SCFD2: variants seen among roughly 807,000 people sequenced by gnomAD.
SCFD2 encodes sec1 family domain containing 2.
A neutral mutation model predicts 58.9 loss-of-function variants in SCFD2; 54 were observed. The ratio of observed to expected loss-of-function variants is 0.92; its 90% CI spans 0.74 to 1.15. The LOEUF is 1.15. Among genes scored for constraint, SCFD2 ranks in the 50% most tolerant of loss-of-function variants. The pLI, the probability that SCFD2 is intolerant of heterozygous loss-of-function variation, is 0.00. For synonymous variants in SCFD2, 321 were observed against 335.9 expected (o/e 0.96, Z 0.49); for missense variants, 805 against 836.6 (o/e 0.96, Z 0.47).
At chr4:53,321,864 CTT>C (rs1339346392) in intron 2 of SCFD2, among the ~76,000 whole-genome samples, 1 of 152,138 alleles carries the variant, frequency 6.6e-6, no homozygotes, top group Non-Finnish European at 1.5e-5. Context: ...TTTGTTCATT[CTT>C]TCTTTCAAAA....
chr4:53,051,647 C>T (rs542487894), intron 5 of SCFD2, among the ~76,000 whole-genome samples: 1 of 152,246 alleles, frequency 6.6e-6, no homozygotes, highest in East Asian at 1.9e-4. Flanking sequence ...TTGGTTAATA[C>T]GACTGCTTAT....
At chr4:53,214,388 C>T (rs1446717861) in intron 4 of SCFD2, among the ~76,000 whole-genome samples, 10 of 152,090 alleles carry the variant, frequency 6.6e-5, no homozygotes, top group Non-Finnish European at 1.5e-5. Context: ...TTTTGATTTG[C>T]ATTTCTCTGA....
chr4:53,260,485 T>C (rs143754193), intron 4 of SCFD2, among the ~76,000 whole-genome samples: 1 of 152,210 alleles, frequency 6.6e-6, no homozygotes, highest in African/African-American at 2.4e-5. Context: ...ACTGAGATGA[T>C]CATGTGATTT....
In SCFD2 at chr4:52,994,229, G is replaced by A. The variant is rs539300311; in HGVS notation, c.1562-73359C>T. On this transcript the variant is annotated intron_variant, in intron 5 of 8. Coordinates refer to ENST00000401642, the MANE Select transcript of SCFD2 (RefSeq NM_152540.4). ...TGGATGAACTCTGACCAAACCTAGA[G>A]GATTCCCTGTTTTTCTTAACACTGC... 4.6e-5 allele frequency among the ~76,000 whole-genome samples: 7 copies of A among 152,314 alleles called. No homozygotes were observed. The East Asian group carries it at 1.4e-3, about 29-fold the overall frequency.
chr4:52,967,199 T>C (rs1199527024), intron 5 of SCFD2, among the ~76,000 whole-genome samples: 2 of 152,220 alleles, frequency 1.3e-5, no homozygotes, highest in Admixed American at 1.3e-4. Flanking sequence ...CTCAAGGGCA[T>C]GTTGCTGCAC....
chr4:52,974,013 C>T (rs1458057503), intron 5 of SCFD2, among the ~76,000 whole-genome samples: 1 of 152,160 alleles, frequency 6.6e-6, no homozygotes, highest in East Asian at 1.9e-4. Context: ...ATTGATGGGA[C>T]ATATCTCAAA....
chr4:52,881,325 C>T (rs951807453), intron 8 of SCFD2, among the ~76,000 whole-genome samples: 1 of 152,226 alleles, frequency 6.6e-6, no homozygotes, highest in African/African-American at 2.4e-5. Context: ...GCTCCAAAGC[C>T]TTCTCCATGG....
At chr4:53,193,154 C>T (rs1191892846) in intron 4 of SCFD2, among the ~76,000 whole-genome samples, 2 of 151,906 alleles carry the variant, frequency 1.3e-5, no homozygotes, top group East Asian at 3.9e-4. Context: ...TATATATGAC[C>T]AAAACAAGTC....
At chr4:53,233,860 C>T (rs1729514567) in intron 4 of SCFD2, among the ~76,000 whole-genome samples, 1 of 151,550 alleles carries the variant, frequency 6.6e-6, no homozygotes, top group Non-Finnish European at 1.5e-5. Context: ...TCATGAGTGT[C>T]CAATTAAAAG....
intron 4 of SCFD2, among the ~76,000 whole-genome samples, chr4:53,194,414 T>C (rs1212065545): frequency 6.6e-6 from 1 of 152,212 alleles, no homozygotes; most frequent in Non-Finnish European, 1.5e-5. Flanking sequence ...TATAATTATA[T>C]AAGTTATTGC....
chr4:53,363,826 CA>C (rs754101699), intron 1 of SCFD2, among the ~76,000 whole-genome samples: 1,671 of 107,140 alleles, frequency 0.016, 22 homozygotes, highest in African/African-American at 0.048. Context: ...GACTCCGTCT[CA>C]AAAAAAAAAA....
intron 6 of SCFD2, among the ~76,000 whole-genome samples, chr4:52,916,644 C>G (rs1438994995): frequency 6.6e-6 from 1 of 152,176 alleles, no homozygotes; most frequent in Non-Finnish European, 1.5e-5. Context: ...GGTTTCCAGT[C>G]AACAGAAGCG....
chr4:53,195,368 C>G (rs1577828257), intron 4 of SCFD2, among the ~76,000 whole-genome samples: 2 of 152,172 alleles, frequency 1.3e-5, no homozygotes, highest in East Asian at 3.8e-4. Flanking sequence ...TTCTGCACAT[C>G]TGGTGAAGTC....
intron 6 of SCFD2, among the ~76,000 whole-genome samples, chr4:52,911,382 C>T (rs1477424468): frequency 6.6e-6 from 1 of 152,208 alleles, no homozygotes; most frequent in Admixed American, 6.5e-5. Flanking sequence ...GGAGAAAATG[C>T]TCACTGAGCT....
At chr4:53,248,116 A>G (rs752449025) in intron 4 of SCFD2, among the ~76,000 whole-genome samples, 4 of 152,212 alleles carry the variant, frequency 2.6e-5, no homozygotes, top group Non-Finnish European at 5.9e-5. Context: ...ACTGGGAAGC[A>G]CAAGGGATCA....
chr4:53,059,255 T>C (rs1252477413), intron 5 of SCFD2, among the ~76,000 whole-genome samples: 1 of 152,086 alleles, frequency 6.6e-6, no homozygotes, highest in Non-Finnish European at 1.5e-5. Context: ...CTCCCACAAC[T>C]GTGAAAGAGA....
chr4:53,313,531 T>A, intron 3 of SCFD2, 105 bp downstream of exon 3: 1 of 1,330,612 alleles, frequency 7.5e-7, no homozygotes, highest in Non-Finnish European at 1.1e-6. Context: ...ACAAAAGTCG[T>A]TACTACTTTG....
In SCFD2 at chr4:53,270,384, C is replaced by T. The variant is rs142439626; in HGVS notation, c.1311+3442G>A. The stretch of plus-strand genomic sequence containing the variant: ...TTCCTTAGTCTGATTAAAAACAAAA[C>T]AAAACCTCAGCAAACATAATACTTA... On this transcript the variant is annotated intron_variant, in intron 4 of 8. Coordinates refer to ENST00000401642, the MANE Select transcript of SCFD2 (RefSeq NM_152540.4). 2.6e-5 allele frequency among the ~76,000 whole-genome samples: 4 copies of T among 151,884 alleles called. No homozygotes were observed. The East Asian group carries it at 5.8e-4, about 22-fold the overall frequency.
Position 53,230,196 on chromosome 4 carries a change from T to C in SCFD2, c.1311+43630A>G, listed in dbSNP as rs532073132. On this transcript the variant is annotated intron_variant, in intron 4 of 8. Coordinates refer to ENST00000401642, the MANE Select transcript of SCFD2 (RefSeq NM_152540.4). ...GTGGGATTGTAAACTAGTTCAACCA[T>C]TGTGGAAGTCAGTGTGGCGATTCCT... Among the ~76,000 whole-genome samples the C allele has an allele frequency of 9.1e-3, 1,390 of 152,288 alleles. 13 individuals carry two copies. Among genetic ancestry groups the C allele is most frequent in the Middle Eastern group, 0.031 (9 of 294 alleles).
Sources: gnomAD v4.1 joint callset for allele counts (sites outside exome capture counted in the v4.1 genomes callset) on GRCh38, gnomAD v4.1.1 for gene constraint, MANE v1.5 for transcripts, NCBI Gene and HGNC (gene_info 2026-07-23, HGNC 2026-07-21) for gene names.